The following GRID2 variants were observed in gnomAD, a reference collection of about 807,000 sequenced individuals.
GRID2 encodes the protein glutamate ionotropic receptor delta type subunit 2.
GRID2 carries 33 observed loss-of-function variants against 114.8 expected under a neutral mutation model. That is an observed-to-expected ratio of 0.29 (90% CI 0.22 to 0.38). The LOEUF (loss-of-function observed/expected upper bound fraction) is 0.38. Ranked by LOEUF, GRID2 falls within the 10% of genes least tolerant of loss-of-function variation. The pLI, the probability that GRID2 is intolerant of heterozygous loss-of-function variation, is 1.00. For synonymous variants in GRID2, 505 were observed against 449.9 expected (o/e 1.12, Z -1.55); for missense variants, 1,184 against 1,257.7 (o/e 0.94, Z 0.89).
chr4:92,570,776 T>C (rs1727571561), intron 1 of GRID2, among the ~76,000 whole-genome samples: 1 of 152,122 alleles, frequency 6.6e-6, no homozygotes, highest in Non-Finnish European at 1.5e-5. Context: ...ATAGGAATGC[T>C]ACTGGTTTTT....
intron 4 of GRID2, among the ~76,000 whole-genome samples, chr4:93,151,134 A>AAC (rs1736704265): frequency 6.6e-6 from 1 of 151,174 alleles, no homozygotes; most frequent in Admixed American, 6.6e-5. Flanking sequence ...AAAAAAAAAA[A>AAC]AAGAAAGAAA....
intron 6 of GRID2, among the ~76,000 whole-genome samples, chr4:93,221,169 T>C (rs1744830214): frequency 6.6e-6 from 1 of 152,174 alleles, no homozygotes; most frequent in African/African-American, 2.4e-5. Flanking sequence ...ATCTAATGTC[T>C]TACACTATTC....
At chr4:93,422,046 A>G (rs951774497) in intron 9 of GRID2, among the ~76,000 whole-genome samples, 7 of 152,174 alleles carry the variant, frequency 4.6e-5, no homozygotes, top group African/African-American at 1.4e-4. Context: ...TTTCAAATCA[A>G]TCGAGCTTTC....
chr4:93,149,126 G>A (rs990442033), intron 4 of GRID2, among the ~76,000 whole-genome samples: 5 of 152,142 alleles, frequency 3.3e-5, no homozygotes, highest in East Asian at 1.9e-4. Flanking sequence ...CCCGTGTGAC[G>A]CTGCTAAGCA....
At chr4:93,306,387 A>G (rs1755424800) in intron 8 of GRID2, 1 of 152,224 alleles carries the variant, frequency 6.6e-6, no homozygotes, top group Non-Finnish European at 1.5e-5. Flanking sequence ...TTGGAAATTG[A>G]TTTTCACTTC....
intron 2 of GRID2, among the ~76,000 whole-genome samples, chr4:92,828,192 A>G (rs142362415): frequency 6.6e-6 from 1 of 152,060 alleles, no homozygotes; most frequent in African/African-American, 2.4e-5. Flanking sequence ...TCAAAATAGG[A>G]CTATACTGAT....
At chr4:93,472,978 T>C (rs1724985100) in intron 11 of GRID2, among the ~76,000 whole-genome samples, 1 of 152,184 alleles carries the variant, frequency 6.6e-6, no homozygotes, top group Non-Finnish European at 1.5e-5. Context: ...GCTTAGTGCC[T>C]GATGGAGTGT....
intron 14 of GRID2, among the ~76,000 whole-genome samples, chr4:93,634,048 A>T (rs1303542940): frequency 6.6e-6 from 1 of 152,182 alleles, no homozygotes; most frequent in Non-Finnish European, 1.5e-5. Context: ...TTCCCTTTAG[A>T]GATGCAAAAT....
chr4:92,743,285 G>A (rs951655193), intron 2 of GRID2, among the ~76,000 whole-genome samples: 17 of 151,952 alleles, frequency 1.1e-4, no homozygotes, highest in African/African-American at 2.4e-4. Flanking sequence ...TCAACAAATC[G>A]TCATCATCAT....
At chr4:92,922,031 C>T (rs965270134) in intron 2 of GRID2, among the ~76,000 whole-genome samples, 3 of 152,206 alleles carry the variant, frequency 2.0e-5, no homozygotes, top group Non-Finnish European at 4.4e-5. Flanking sequence ...TTTACCTACT[C>T]AAGCCTGGGC....
intron 1 of GRID2, among the ~76,000 whole-genome samples, chr4:92,442,287 A>G (rs1013257368): frequency 6.6e-6 from 1 of 151,934 alleles, no homozygotes; most frequent in Non-Finnish European, 1.5e-5. Context: ...CCAGAGTTCC[A>G]GGGGCTCTGA....
chr4:93,370,259 A>T (rs1762736657), intron 8 of GRID2, among the ~76,000 whole-genome samples: 1 of 152,142 alleles, frequency 6.6e-6, no homozygotes, highest in Admixed American at 6.6e-5. Context: ...CATAAAGGAA[A>T]AGCAACCTGG....
chr4:92,804,158 T>G (rs1740302029), intron 2 of GRID2, among the ~76,000 whole-genome samples: 1 of 152,052 alleles, frequency 6.6e-6, no homozygotes, highest in African/African-American at 2.4e-5. Flanking sequence ...CCCTAACGAC[T>G]TTACCTTAAC....
chr4:92,506,771 C>G (rs1478726191), intron 1 of GRID2, among the ~76,000 whole-genome samples: 1 of 151,888 alleles, frequency 6.6e-6, no homozygotes, highest in Non-Finnish European at 1.5e-5. Flanking sequence ...AATATACATT[C>G]ACCTCCTTTG....
intron 1 of GRID2, among the ~76,000 whole-genome samples, chr4:92,485,938 G>A (rs1385261157): frequency 1.3e-5 from 2 of 151,760 alleles, no homozygotes; most frequent in Non-Finnish European, 2.9e-5. Flanking sequence ...AATGAGTATA[G>A]TGAAAACTAA....
chr4:93,552,714 A>AT (rs1406929166), intron 13 of GRID2, among the ~76,000 whole-genome samples: 1 of 152,124 alleles, frequency 6.6e-6, no homozygotes, highest in Non-Finnish European at 1.5e-5. Flanking sequence ...TACATGTGCC[A>AT]TGTTGGTTTG....
At chr4:92,326,256 A>G (rs1404378374) in intron 1 of GRID2, among the ~76,000 whole-genome samples, 1 of 151,934 alleles carries the variant, frequency 6.6e-6, no homozygotes, top group Admixed American at 6.6e-5. Flanking sequence ...TTTGGAGGCA[A>G]ATCAGAACAA....
Position 92,994,927 on chromosome 4 carries a change from G to A in GRID2, c.245-90068G>A, listed in dbSNP as rs139257998. Among the ~76,000 whole-genome samples, 354 of 152,218 alleles carry A rather than the reference G, an allele frequency of 2.3e-3. 1 individual carries two copies. The highest frequency in any genetic ancestry group is 7.8e-3 in the African/African-American group (325 of 41,548). On this transcript the variant is annotated intron_variant, in intron 2 of 15. Transcript: ENST00000282020. The stretch of plus-strand genomic sequence containing the variant: ...CAACTCTGTTTGGTGACTTCACATC[G>A]ATAGCCAGCCACAGTGGGAGTATTT...
chr4:93,650,230 T>A (rs1021201308), intron 14 of GRID2, among the ~76,000 whole-genome samples: 3 of 152,098 alleles, frequency 2.0e-5, no homozygotes, highest in Non-Finnish European at 2.9e-5. Context: ...TGTTCCAAAA[T>A]TCACTGGAAA....
Sources: allele counts gnomAD v4.1 joint callset (sites outside exome capture counted in the v4.1 genomes callset), GRCh38; gene constraint gnomAD v4.1.1; transcripts MANE v1.5; gene names NCBI Gene and HGNC (gene_info 2026-07-23, HGNC 2026-07-21).